The following CRPPA variants were observed in gnomAD, a reference collection of about 807,000 sequenced individuals.
CRPPA encodes the protein CDP-L-ribitol pyrophosphorylase A, also known as D-ribitol-5-phosphate cytidylyltransferase.
In CRPPA, 43 loss-of-function variants were observed where a neutral mutation model predicts 52.0. The ratio of observed to expected loss-of-function variants is 0.83; its 90% CI spans 0.65 to 1.07. The LOEUF is 1.07. Among genes scored for constraint, CRPPA ranks in the 50% least tolerant of loss-of-function variants. CRPPA has a pLI of 0.00. For missense variants in CRPPA, 629 were observed against 551.7 expected (o/e 1.14, Z -1.40); for synonymous variants, 250 against 203.5 (o/e 1.23, Z -1.94).
At chr7:16,228,104 T>C (rs1782697875) in intron 8 of CRPPA, among the ~76,000 whole-genome samples, 1 of 151,988 alleles carries the variant, frequency 6.6e-6, no homozygotes, top group South Asian at 2.1e-4. Context: ...TGTGTATTTA[T>C]ATACCAGTAC....
chr7:16,298,373 C>T (rs1355746214), intron 5 of CRPPA, among the ~76,000 whole-genome samples: 1 of 152,132 alleles, frequency 6.6e-6, no homozygotes, highest in East Asian at 1.9e-4. Context: ...GATCAAACTG[C>T]CTAAGGCAGA....
intron 5 of CRPPA, among the ~76,000 whole-genome samples, chr7:16,281,833 T>A (rs929317561): frequency 1.3e-5 from 2 of 152,192 alleles, no homozygotes; most frequent in African/African-American, 4.8e-5. Flanking sequence ...CCTAAGGATG[T>A]GTTCATTTCA....
chr7:16,329,288 C>T (rs937794269), intron 3 of CRPPA, among the ~76,000 whole-genome samples: 1 of 152,118 alleles, frequency 6.6e-6, no homozygotes, highest in African/African-American at 2.4e-5. Flanking sequence ...CTGTGCCTGA[C>T]AAATGGAAGT....
chr7:16,280,013 G>C (rs144404536), intron 5 of CRPPA, among the ~76,000 whole-genome samples: 1 of 152,202 alleles, frequency 6.6e-6, no homozygotes. Flanking sequence ...AGAGAAGAGA[G>C]CTTGTGCAGG....
intron 8 of CRPPA, among the ~76,000 whole-genome samples, chr7:16,250,472 G>A (rs1783416089): frequency 6.6e-6 from 1 of 152,154 alleles, no homozygotes; most frequent in Admixed American, 6.5e-5. Context: ...GGTAGCTGGA[G>A]AGAAAGGTCA....
At chr7:16,297,014 C>G (rs1784687997) in intron 5 of CRPPA, among the ~76,000 whole-genome samples, 1 of 152,142 alleles carries the variant, frequency 6.6e-6, no homozygotes, top group Non-Finnish European at 1.5e-5. Context: ...TGTACTCACC[C>G]AAGAGAGAGC....
Position 16,258,406 on chromosome 7 carries a change from G to A in CRPPA, c.1103C>T (p.Pro368Leu). The A allele has an allele frequency of 3.1e-6, 5 of 1,597,880 alleles. No homozygotes were observed. The highest frequency in any genetic ancestry group is 4.3e-6 in the Non-Finnish European group (5 of 1,170,864). Residue 368 changes from proline to leucine, a missense_variant, in exon 8 of 10, where the codon CCT becomes CTT. Transcript: ENST00000407010. Reference protein sequence around the residue: ...LEESSLCILYPVVVVSVHFLD... With the variant: ...LEESSLCILYLVVVVSVHFLD... ...TTCACTTACTGAAACAACAACAACA[G>A]GATATAAAATGCAAAGACTACTCTC...
At chr7:16,092,544 A>G (rs557441404) in intron 9 of CRPPA, among the ~76,000 whole-genome samples, 1 of 152,168 alleles carries the variant, frequency 6.6e-6, no homozygotes, top group African/African-American at 2.4e-5. Flanking sequence ...GCATCCATAT[A>G]CATTGAGATA....
intron 8 of CRPPA, among the ~76,000 whole-genome samples, chr7:16,257,776 G>A (rs1783683606): frequency 6.6e-6 from 1 of 152,116 alleles, no homozygotes; most frequent in African/African-American, 2.4e-5. Flanking sequence ...GAGGACTTGG[G>A]CTCTGATTTT....
chr7:16,320,644 ACT>A (rs1313584554), intron 3 of CRPPA, among the ~76,000 whole-genome samples: 2 of 152,162 alleles, frequency 1.3e-5, no homozygotes, highest in Non-Finnish European at 2.9e-5. Context: ...CAGGTTTCTC[ACT>A]CTGCAGTTAT....
At chr7:16,381,081 T>C (rs2128313088) in intron 2 of CRPPA, among the ~76,000 whole-genome samples, 1 of 151,854 alleles carries the variant, frequency 6.6e-6, no homozygotes, top group South Asian at 2.1e-4. Context: ...AATTGTGATG[T>C]TAGGGTGTCA....
intron 9 of CRPPA, among the ~76,000 whole-genome samples, chr7:16,112,113 G>A (rs577543058): frequency 2.0e-5 from 3 of 152,082 alleles, no homozygotes; most frequent in Non-Finnish European, 2.9e-5. Context: ...TCAGGGGTTT[G>A]AGACCAGCCT....
chr7:16,406,124 A>T lies in CRPPA; in HGVS notation c.471T>A (p.Ala157=). 6.2e-7 allele frequency: 1 copy of T among 1,613,988 alleles called. No homozygotes were observed. Among genetic ancestry groups the T allele is most frequent in the Non-Finnish European group, 8.5e-7 (1 of 1,179,864 alleles). ...CACCTTCCTCAACAAATGGTCTCAC[A>T]GCATCATGGATAATCACTACTTCTG... is the stretch of plus-strand genomic sequence containing the variant. ...SKPEVVIIHD[A]VRPFVEEGVL... The change falls in exon 2 of 10, where the codon GCT becomes GCA. Residue 157 remains alanine, a synonymous_variant. Transcript: ENST00000407010.
intron 8 of CRPPA, 173 bp from the exon 9 acceptor site, chr7:16,216,370 C>T (rs1156729353): frequency 2.1e-5 from 10 of 476,936 alleles, no homozygotes; most frequent in Admixed American, 3.9e-5. Context: ...ATGAATCCTC[C>T]TTTATAAACA....
At chr7:16,291,543 C>A (rs1784564804) in intron 5 of CRPPA, among the ~76,000 whole-genome samples, 1 of 151,750 alleles carries the variant, frequency 6.6e-6, no homozygotes, top group Non-Finnish European at 1.5e-5. Flanking sequence ...AAACTGATTT[C>A]TTAAAGATAA....
At chr7:16,276,927 T>C (rs1456882447) in intron 6 of CRPPA, 1 of 152,218 alleles carries the variant, frequency 6.6e-6, no homozygotes, top group Non-Finnish European at 1.5e-5. Flanking sequence ...ACAACTCATG[T>C]ATCCAGTACA....
chr7:16,152,153 A>G (rs1463948697), intron 9 of CRPPA, among the ~76,000 whole-genome samples: 2 of 151,986 alleles, frequency 1.3e-5, no homozygotes, highest in Non-Finnish European at 2.9e-5. Context: ...TAAAAGTGTA[A>G]GAAAATATGA....
Position 16,397,602 on chromosome 7 carries a change from TGTGACAC to T in CRPPA, c.534+8452_534+8458del, listed in dbSNP as rs564786120. 8.0e-4 allele frequency among the ~76,000 whole-genome samples: 122 copies of T among 152,238 alleles called. 1 individual carries two copies. In the South Asian group the frequency reaches 8.7e-3, roughly 11 times the overall value. On this transcript the variant is annotated intron_variant, in intron 2 of 9. Transcript: ENST00000407010. ...TATGAGACGTGACAGATTACTGACG[TGTGACAC>T]GTGACACGTGACCAACACGTGTGTG...
intron 2 of CRPPA, among the ~76,000 whole-genome samples, chr7:16,402,614 C>T (rs79976716): frequency 0.016 from 2,360 of 151,772 alleles, 56 homozygotes; most frequent in African/African-American, 0.049. Flanking sequence ...GGAGATTAAT[C>T]GTACATGATA....
Sources: gnomAD v4.1 joint callset for allele counts (sites outside exome capture counted in the v4.1 genomes callset) on GRCh38, gnomAD v4.1.1 for gene constraint, MANE v1.5 for transcripts, NCBI Gene and HGNC (gene_info 2026-07-23, HGNC 2026-07-21) for gene names.